POLR1A: variants seen among roughly 807,000 people sequenced by gnomAD.
The protein encoded by POLR1A is DNA-directed RNA polymerase I subunit RPA1.
Under a neutral mutation model 205.3 loss-of-function variants are expected in POLR1A, and 84 were observed. The observed-to-expected ratio is 0.41, with a 90% CI of 0.34 to 0.49. The LOEUF (loss-of-function observed/expected upper bound fraction) is 0.49. POLR1A is among the 20% of genes least tolerant of loss of function. The pLI is 0.22. For missense variants in POLR1A, 1,645 were observed against 2,204.5 expected (o/e 0.75, Z 5.08); for synonymous variants, 799 against 863.7 (o/e 0.93, Z 1.31).
chr2:86,060,383 T>C (rs1672973298), intron 14 of POLR1A, among the ~76,000 whole-genome samples: 1 of 152,086 alleles, frequency 6.6e-6, no homozygotes, highest in Non-Finnish European at 1.5e-5. Context: ...AAAGGTATAT[T>C]GAGATGTAAT....
Position 86,052,849 on chromosome 2 carries a change from G to C in POLR1A, c.2360C>G (p.Ala787Gly), listed in dbSNP as rs1351214279. 6.3e-7 allele frequency: 1 copy of C among 1,588,620 alleles called. No individual in the cohort carries two copies. The highest frequency in any genetic ancestry group is 8.6e-7 in the Non-Finnish European group (1 of 1,166,912). ...VLTCLARLFT[A>G]YLQLYRGFTL... is the part of the protein sequence containing the mutation. ...GAAGCCTCTGTAGAGCTGCAGGTAG[G>C]CGGTGAAGAGGCGGGCCAGGCAGGT... The change falls in exon 16 of 34, where the codon GCC (alanine) becomes GGC (glycine). Residue 787 changes from alanine (A) to glycine (G), a missense_variant. Around this residue, in one of 16 missense-constraint regions of POLR1A, gnomAD observed 339 missense variants for 415.1 expected, o/e 0.82. Coordinates refer to ENST00000263857, the MANE Select transcript of POLR1A (RefSeq NM_015425.6).
At chr2:86,033,587 A>G in intron 28 of POLR1A, 74 bp downstream of exon 28, 1 of 1,517,800 alleles carries the variant, frequency 6.6e-7, no homozygotes, top group Non-Finnish European at 9.0e-7. Flanking sequence ...AGGAGCACAG[A>G]GAATAGGCAC....
At chr2:86,103,548 AT>A (rs753646716) in intron 1 of POLR1A, among the ~76,000 whole-genome samples, 1 of 152,228 alleles carries the variant, frequency 6.6e-6, no homozygotes, top group Non-Finnish European at 1.5e-5. Context: ...CTTTTTAAAA[AT>A]TCAGGCAACT....
intron 3 of POLR1A, among the ~76,000 whole-genome samples, chr2:86,096,719 C>T (rs997802686): frequency 1.3e-5 from 2 of 151,990 alleles, no homozygotes; most frequent in Non-Finnish European, 2.9e-5. Flanking sequence ...ACTAGATATC[C>T]ATATGCAGAA....
intron 11 of POLR1A, among the ~76,000 whole-genome samples, chr2:86,077,656 T>G (rs1394560029): frequency 6.6e-6 from 1 of 152,160 alleles, no homozygotes. Context: ...AATGCCATCA[T>G]GCAGCTTCCA....
intron 13 of POLR1A, 98 bp from the exon 14 acceptor site, chr2:86,065,563 G>T: frequency 1.0e-6 from 1 of 998,840 alleles, no homozygotes. Flanking sequence ...TCTATCAAGA[G>T]CCCTTCTTAT....
In POLR1A at chr2:86,023,105, G is replaced by C. The variant is rs1690180686; in HGVS notation, c.*4318C>G. 1 of 152,208 alleles carries C rather than the reference G, an allele frequency of 6.6e-6. No homozygotes were observed. The allele number at this position is 152,208 out of a possible 1,614,324, so 9.4% of individuals were successfully genotyped here. ...AAGGTCCAAAACTGAGAGCCTCTAA[G>C]TGGACTTTGGACGGAAGTGGGGTGG... On this transcript the variant is annotated 3_prime_UTR_variant, in exon 34 of 34. Coordinates refer to ENST00000263857, the MANE Select transcript of POLR1A (RefSeq NM_015425.6).
chr2:86,103,322 CG>C (rs1326458676), intron 1 of POLR1A, among the ~76,000 whole-genome samples: 1 of 151,948 alleles, frequency 6.6e-6, no homozygotes, highest in Non-Finnish European at 1.5e-5. Flanking sequence ...GATGTGTGCC[CG>C]TGGTGCTCTG....
chr2:86,054,620 T>G (rs762796392), intron 14 of POLR1A, among the ~76,000 whole-genome samples: 36 of 152,314 alleles, frequency 2.4e-4, no homozygotes, highest in Non-Finnish European at 5.1e-4. Flanking sequence ...GAGGAAAAAG[T>G]AAATTGTTTT....
intron 13 of POLR1A, 25 bp downstream of exon 13, chr2:86,069,993 G>T: frequency 6.2e-7 from 1 of 1,603,244 alleles, no homozygotes; most frequent in South Asian, 1.1e-5. Context: ...CGATGACCAC[G>T]GAACAGCCTC....
intron 31 of POLR1A, among the ~76,000 whole-genome samples, chr2:86,029,801 C>T (rs1043975667): frequency 2.6e-5 from 4 of 151,886 alleles, no homozygotes; most frequent in Admixed American, 6.6e-5. Flanking sequence ...GGGGTTTCAC[C>T]GTGTTAGCCA....
chr2:86,040,496 G>A lies in POLR1A; in HGVS notation c.3636C>T (p.Gly1212=). The A allele has an allele frequency of 6.2e-7, 1 of 1,612,792 alleles. No individual in the cohort carries two copies. Among genetic ancestry groups the A allele is most frequent in the Non-Finnish European group, 8.5e-7 (1 of 1,179,442 alleles). ...RSLCEPGEAV[G]LLAAQSIGEP... ...CTCCGATGCTCTGGGCAGCCAGCAGGCCCACAGCCTCGCCCGGCTCACACA... is the reference window on the plus strand; with the variant it reads ...CTCCGATGCTCTGGGCAGCCAGCAGACCCACAGCCTCGCCCGGCTCACACA... Residue 1212 remains glycine, a synonymous_variant, in exon 25 of 34, where the codon GGC becomes GGT. Coordinates refer to ENST00000263857, the MANE Select transcript of POLR1A (RefSeq NM_015425.6).
chr2:86,043,992 C>A, intron 22 of POLR1A, 147 bp downstream of exon 22: 1 of 681,318 alleles, frequency 1.5e-6, no homozygotes, highest in Admixed American at 2.7e-5. Context: ...TGTTTCAGGG[C>A]ACTGACCGGT....
chr2:86,066,469 C>T (rs1273499180), intron 13 of POLR1A, among the ~76,000 whole-genome samples: 1 of 152,202 alleles, frequency 6.6e-6, no homozygotes, highest in South Asian at 2.1e-4. Context: ...CAACATAACG[C>T]ACGCTGAAGT....
rs1387297259 is a variant in POLR1A, at chr2:86,027,061, C to T, written c.*362G>A. 2.6e-5 allele frequency: 6 copies of T among 232,942 alleles called. No individual in the cohort carries two copies. The highest frequency in any genetic ancestry group is 4.8e-5 in the Admixed American group (1 of 20,932). The allele number at this position is 232,942 out of a possible 1,614,324, so 14.4% of individuals were successfully genotyped here. On this transcript the variant is annotated 3_prime_UTR_variant, in exon 34 of 34. Transcript: ENST00000263857. ...TGGGGTCCCCAGCAGCAAAGCATGG[C>T]TTCCCCTTGGTCTTCTCAGTGAATC...
At position 86,068,389 on chromosome 2, in the gene POLR1A, G is replaced by GGA. The variant is rs911280329; in HGVS notation, c.1866+1628_1866+1629insTC. Among the ~76,000 whole-genome samples, 22 of 118,390 alleles carry GGA rather than the reference G, an allele frequency of 1.9e-4. 4 individuals carry two copies. The highest frequency in any genetic ancestry group is 1.8e-5 in the Non-Finnish European group (1 of 55,528). The allele number at this position is 118,390 out of a possible 152,430, so 77.7% of individuals were successfully genotyped here. A position where few individuals can be genotyped will look rare whatever the true frequency, so the allele number is the denominator to read the frequency against. On this transcript the variant is annotated intron_variant, in intron 13 of 33. Coordinates refer to ENST00000263857, the MANE Select transcript of POLR1A (RefSeq NM_015425.6). ...CACGCACAGCCAAGCACATGGGCGG[G>GGA]GGGGGGGGGCGGGTGTCGTCCAAAG... is the stretch of plus-strand genomic sequence containing the variant.
At chr2:86,099,848 A>G in intron 2 of POLR1A, 120 bp downstream of exon 2, 1 of 744,958 alleles carries the variant, frequency 1.3e-6, no homozygotes, top group Non-Finnish European at 2.3e-6. Context: ...CTCATTCTAC[A>G]GAATGCTTTC....
intron 14 of POLR1A, among the ~76,000 whole-genome samples, chr2:86,054,983 GC>G (rs1184812088): frequency 6.6e-6 from 1 of 152,190 alleles, no homozygotes; most frequent in Non-Finnish European, 1.5e-5. Context: ...CCTGCAGCAG[GC>G]CCCACAAAGT....
chr2:86,052,300 G>C (rs1672816511), intron 16 of POLR1A, among the ~76,000 whole-genome samples: 1 of 152,192 alleles, frequency 6.6e-6, no homozygotes, highest in African/African-American at 2.4e-5. Flanking sequence ...GATGGGCCCT[G>C]AGAATTCTGA....
Sources: allele counts gnomAD v4.1 joint callset (sites outside exome capture counted in the v4.1 genomes callset), GRCh38; gene constraint gnomAD v4.1.1; regional missense constraint gnomAD v4.1.1; transcripts MANE v1.5; gene names NCBI Gene and HGNC (gene_info 2026-07-23, HGNC 2026-07-21).